Variants in OSBPL10 observed in about 807,000 individuals in gnomAD.
OSBPL10 encodes oxysterol-binding protein-related protein 10.
In OSBPL10, 49 loss-of-function variants were observed where a neutral mutation model predicts 81.7. That is an observed-to-expected ratio of 0.60 (90% CI 0.48 to 0.76). The LOEUF (loss-of-function observed/expected upper bound fraction) is 0.76. Among genes scored for constraint, OSBPL10 ranks in the 30% least tolerant of loss-of-function variants. The pLI, the probability that OSBPL10 is intolerant of heterozygous loss-of-function variation, is 0.00. For missense variants in OSBPL10, 923 were observed against 987.8 expected (o/e 0.93, Z 0.88); for synonymous variants, 419 against 383.6 (o/e 1.09, Z -1.08).
At chr3:31,842,437 T>A (rs1384898930) in intron 3 of OSBPL10, among the ~76,000 whole-genome samples, 1 of 152,194 alleles carries the variant, frequency 6.6e-6, no homozygotes, top group Non-Finnish European at 1.5e-5. Flanking sequence ...TGTCAATACC[T>A]GAGCAAGTTG....
chr3:31,891,245 G>C (rs1480034358), intron 1 of OSBPL10, among the ~76,000 whole-genome samples: 1 of 152,166 alleles, frequency 6.6e-6, no homozygotes, highest in Non-Finnish European at 1.5e-5. Context: ...GCCCACATCA[G>C]AATCACCTGG....
At chr3:31,761,433 T>C (rs867727842) in intron 4 of OSBPL10, among the ~76,000 whole-genome samples, 8 of 145,998 alleles carry the variant, frequency 5.5e-5, no homozygotes, top group Non-Finnish European at 1.1e-4. Context: ...GACCACACCA[T>C]TGCACTCCAA....
intron 4 of OSBPL10, among the ~76,000 whole-genome samples, chr3:31,776,457 A>C (rs75778245): frequency 0.034 from 5,204 of 152,314 alleles, 112 homozygotes; most frequent in Non-Finnish European, 0.053. Context: ...AGAAATTTCT[A>C]ACCCCAAATA....
chr3:31,899,930 T>C (rs530765602), intron 1 of OSBPL10, among the ~76,000 whole-genome samples: 1 of 152,342 alleles, frequency 6.6e-6, no homozygotes, highest in South Asian at 2.1e-4. Context: ...ATATACTGGA[T>C]TAAGCTGTTT....
chr3:31,913,713 A>C (rs183015769), intron 1 of OSBPL10, among the ~76,000 whole-genome samples: 193 of 152,354 alleles, frequency 1.3e-3, no homozygotes, highest in Middle Eastern at 0.01. Flanking sequence ...AAATATATGT[A>C]TATAAAACTC....
intron 4 of OSBPL10, among the ~76,000 whole-genome samples, chr3:31,808,864 A>G (rs1699590966): frequency 6.6e-6 from 1 of 152,250 alleles, no homozygotes; most frequent in Non-Finnish European, 1.5e-5. Context: ...CTGTACTCCC[A>G]GAACTGGAAT....
At chr3:31,989,888 A>T in intron 2 of OSBPL10, 2 of 1,614,180 alleles carry the variant, frequency 1.2e-6, no homozygotes, top group Non-Finnish European at 1.7e-6. Context: ...TTTAATCAGA[A>T]GCGATACCTT....
chr3:31,662,714 T>A (rs1236596407), intron 11 of OSBPL10: 4 of 985,350 alleles, frequency 4.1e-6, no homozygotes, highest in Non-Finnish European at 4.8e-6. Flanking sequence ...AGCCCTTCTG[T>A]TATGGGCATA....
intron 2 of OSBPL10, among the ~76,000 whole-genome samples, chr3:32,003,675 T>A: frequency 6.6e-6 from 1 of 152,110 alleles, no homozygotes; most frequent in Non-Finnish European, 1.5e-5. Context: ...CCGAAACCAA[T>A]CAGGAACAAA....
At chr3:31,756,028 C>T (rs368687807) in intron 4 of OSBPL10, among the ~76,000 whole-genome samples, 3 of 152,266 alleles carry the variant, frequency 2.0e-5, no homozygotes, top group East Asian at 1.9e-4. Flanking sequence ...AGGAGGAAAC[C>T]GTTACTGAGA....
chr3:31,662,508 A>C (rs1489450487), intron 11 of OSBPL10: 2 of 1,015,190 alleles, frequency 2.0e-6, no homozygotes, highest in East Asian at 2.1e-4. Context: ...CCACAGGGGA[A>C]CACCCAACAA....
At chr3:31,745,307 G>T (rs1023871373) in intron 5 of OSBPL10, among the ~76,000 whole-genome samples, 1 of 152,190 alleles carries the variant, frequency 6.6e-6, no homozygotes, top group African/African-American at 2.4e-5. Context: ...AATACACACT[G>T]AAGTATGTAA....
At chr3:31,968,626 A>C (rs1459398320) in intron 1 of OSBPL10, among the ~76,000 whole-genome samples, 1 of 152,240 alleles carries the variant, frequency 6.6e-6, no homozygotes, top group Non-Finnish European at 1.5e-5. Flanking sequence ...TTCAACCCAT[A>C]AAAATGGCCT....
At chr3:31,747,841 G>A in intron 5 of OSBPL10, 69 bp downstream of exon 5, 3 of 1,466,558 alleles carry the variant, frequency 2.0e-6, no homozygotes, top group Admixed American at 3.4e-5. Context: ...ATTAAAGGAG[G>A]AAGACAGTGG....
chr3:31,736,555 C>T (rs1169786847), intron 5 of OSBPL10, among the ~76,000 whole-genome samples: 1 of 152,148 alleles, frequency 6.6e-6, no homozygotes. Context: ...GACCAATTCC[C>T]GCCTCAGAAA....
chr3:31,886,558 T>A (rs1695741915), intron 1 of OSBPL10, among the ~76,000 whole-genome samples: 1 of 152,236 alleles, frequency 6.6e-6, no homozygotes, highest in African/African-American at 2.4e-5. Context: ...TGCTCCAAAC[T>A]GCTGGACTGC....
At chr3:31,750,976 C>T (rs1039841477) in intron 4 of OSBPL10, among the ~76,000 whole-genome samples, 10 of 152,068 alleles carry the variant, frequency 6.6e-5, no homozygotes, top group African/African-American at 1.2e-4. Flanking sequence ...AACAGATGCA[C>T]GTGCTCAGAG....
intron 6 of OSBPL10, among the ~76,000 whole-genome samples, chr3:31,720,556 T>C (rs539995823): frequency 5.3e-5 from 8 of 152,286 alleles, no homozygotes; most frequent in African/African-American, 1.7e-4. Context: ...CTCTATGTAA[T>C]GTATTCTGTG....
intron 2 of OSBPL10, chr3:31,991,309 T>G (rs1362167034): frequency 3.8e-6 from 1 of 263,500 alleles, no homozygotes; most frequent in African/African-American, 2.2e-5. Flanking sequence ...TGATAGGGAT[T>G]TTTATGGGTA....
Sources: gnomAD v4.1 joint callset for allele counts (sites outside exome capture counted in the v4.1 genomes callset) on GRCh38, gnomAD v4.1.1 for gene constraint, MANE v1.5 for transcripts, NCBI Gene and HGNC (gene_info 2026-07-23, HGNC 2026-07-21) for gene names.